PTBP3: variants seen among roughly 807,000 people sequenced by gnomAD.
PTBP3 encodes polypyrimidine tract binding protein 3.
In PTBP3, 20 loss-of-function variants were observed where a neutral mutation model predicts 58.7. That is an observed-to-expected ratio of 0.34 (90% confidence interval 0.24 to 0.50). PTBP3 has a LOEUF of 0.50. PTBP3 is among the 20% of genes least tolerant of loss of function. The pLI is 0.98. For synonymous variants in PTBP3, 185 were observed against 219.8 expected, an observed-to-expected ratio of 0.84 and a Z score of 1.40; for missense variants, 509 against 637.2, an observed-to-expected ratio of 0.80 and a Z score of 2.17.
rs1353298450 is a variant in PTBP3 at position 112,223,403 on chromosome 9, A to G, written c.*448T>C. 1 of 932,902 alleles carries G rather than the reference A, an allele frequency of 1.1e-6. No homozygotes were observed. Among genetic ancestry groups the G allele is most frequent in the East Asian group, 1.2e-4 (1 of 8,606 alleles). 57.8% of individuals were successfully genotyped at this position (932,902 alleles called of 1,614,324 possible). A position where few individuals can be genotyped will look rare whatever the true frequency, so the allele number is the denominator to read the frequency against. ...CCTACAAGGGTCAGACTTCTGATTC[A>G]TAAGGTTAATAACTTGGTCATAAGT... On this transcript the variant is annotated 3_prime_UTR_variant, in exon 14 of 14. Coordinates refer to ENST00000374257, the MANE Select transcript of PTBP3 (RefSeq NM_001163788.4).
chr9:112,316,837 T>A (rs568891182), intron 1 of PTBP3, among the ~76,000 whole-genome samples: 28 of 152,082 alleles, frequency 1.8e-4, no homozygotes, highest in South Asian at 4.1e-4. Flanking sequence ...CTGGGCATGG[T>A]GGTGTGCACC....
intron 1 of PTBP3, among the ~76,000 whole-genome samples, chr9:112,326,184 T>C (rs1830148796): frequency 6.6e-6 from 1 of 152,222 alleles, no homozygotes; most frequent in African/African-American, 2.4e-5. Context: ...TTTTACTGAA[T>C]TGTACCCTTA....
chr9:112,274,202 G>A (rs1030130267), intron 3 of PTBP3, among the ~76,000 whole-genome samples: 3 of 152,192 alleles, frequency 2.0e-5, no homozygotes, highest in South Asian at 2.1e-4. Flanking sequence ...GTAACCTCAT[G>A]TGAATTTAAG....
intron 2 of PTBP3, among the ~76,000 whole-genome samples, chr9:112,282,766 A>C (rs7031513): frequency 0.84 from 127,858 of 152,124 alleles, 54,026 homozygotes; most frequent in African/African-American, 0.92. Context: ...TAAAGGACTA[A>C]ACTTATTTTA....
At chr9:112,232,279 G>C in intron 8 of PTBP3, 41 bp from the exon 9 acceptor site, 1 of 1,505,776 alleles carries the variant, frequency 6.6e-7, no homozygotes, top group Non-Finnish European at 9.1e-7. Flanking sequence ...CTAATTATTT[G>C]AAGAACTGTA....
chr9:112,307,250 C>G (rs1318951763), intron 1 of PTBP3, among the ~76,000 whole-genome samples: 2 of 152,036 alleles, frequency 1.3e-5, no homozygotes, highest in Non-Finnish European at 2.9e-5. Flanking sequence ...CTCAGGAGTT[C>G]GAGACCAGCC....
At chr9:112,316,822 A>C (rs981284155) in intron 1 of PTBP3, among the ~76,000 whole-genome samples, 1 of 152,092 alleles carries the variant, frequency 6.6e-6, no homozygotes, top group Non-Finnish European at 1.5e-5. Context: ...AAATATAAAA[A>C]TTAGCTGGGC....
the PTBP3 span, among the ~76,000 whole-genome samples, chr9:112,377,788 T>G: frequency 6.6e-6 from 1 of 152,214 alleles, no homozygotes; most frequent in Non-Finnish European, 1.5e-5. Context: ...TTCACTTCTT[T>G]ACTGTGTTAT....
chr9:112,333,350 G>A, intron 1 of PTBP3, 120 bp downstream of exon 1: 1 of 1,203,926 alleles, frequency 8.3e-7, no homozygotes, highest in Non-Finnish European at 1.1e-6. Context: ...CTTGGCCGGG[G>A]CCGCTCCTCC....
intron 3 of PTBP3, among the ~76,000 whole-genome samples, chr9:112,270,578 A>G (rs151319834): frequency 1.1e-4 from 17 of 152,364 alleles, no homozygotes; most frequent in African/African-American, 4.1e-4. Flanking sequence ...TTAAAAAGGC[A>G]TCTGAAATTC....
At chr9:112,310,124 G>A (rs1829416261) in intron 1 of PTBP3, among the ~76,000 whole-genome samples, 1 of 152,144 alleles carries the variant, frequency 6.6e-6, no homozygotes, top group South Asian at 2.1e-4. Context: ...GTTCATTTGT[G>A]ACATTTTTAT....
At chr9:112,319,367 G>A (rs369558309) in intron 1 of PTBP3, among the ~76,000 whole-genome samples, 1 of 151,934 alleles carries the variant, frequency 6.6e-6, no homozygotes, top group Non-Finnish European at 1.5e-5. Flanking sequence ...GAGAAACTGC[G>A]ACTTTACAAA....
At chr9:112,351,951 C>CT in the PTBP3 span, among the ~76,000 whole-genome samples, 88 of 146,606 alleles carry the variant, frequency 6.0e-4, no homozygotes, top group East Asian at 1.6e-3. Flanking sequence ...ACTCTAGTTC[C>CT]TTTTTTTTTT....
intron 1 of PTBP3, among the ~76,000 whole-genome samples, chr9:112,309,238 T>C (rs949690373): frequency 1.3e-5 from 2 of 152,106 alleles, no homozygotes; most frequent in African/African-American, 4.8e-5. Context: ...AATACTGAAA[T>C]ATCCAAGTCC....
the PTBP3 span, among the ~76,000 whole-genome samples, chr9:112,367,185 AAATT>A: frequency 6.6e-6 from 1 of 152,208 alleles, no homozygotes; most frequent in Non-Finnish European, 1.5e-5. Flanking sequence ...ATCCATGACC[AAATT>A]ATTATAGCTA....
At chr9:112,333,639 G>C (rs893320528), upstream of PTBP3, 19 of 711,812 alleles carry the variant, frequency 2.7e-5, no homozygotes, top group Non-Finnish European at 3.9e-5. Context: ...GGCGGGGACC[G>C]GGCACGCTCC....
the PTBP3 span, among the ~76,000 whole-genome samples, chr9:112,343,482 C>T: frequency 1.3e-3 from 199 of 152,258 alleles, no homozygotes; most frequent in South Asian, 2.3e-3. Context: ...TTTTGTCAAG[C>T]AGTCAGTTTA....
chr9:112,233,893 TG>T (rs1370486246), intron 8 of PTBP3, among the ~76,000 whole-genome samples: 6 of 151,462 alleles, frequency 4.0e-5, no homozygotes, highest in Non-Finnish European at 1.5e-5. Context: ...ATTGCACCAC[TG>T]CATTCCAGCC....
rs373263582 is a variant in PTBP3 at position 112,266,519 on chromosome 9, CA to C, written c.351+1529del. 2.3e-3 allele frequency among the ~76,000 whole-genome samples: 343 copies of C among 152,202 alleles called. 2 individuals carry two copies. Among genetic ancestry groups the C allele is most frequent in the African/African-American group, 7.9e-3 (329 of 41,528 alleles). On this transcript the variant is annotated intron_variant, in intron 4 of 13. Coordinates refer to ENST00000374257, the MANE Select transcript of PTBP3 (RefSeq NM_001163788.4). ...ATACATTGGAATACACATTGTCTTC[CA>C]CGGCAATATACATTGTATTGGATTG...
Sources: allele counts gnomAD v4.1 joint callset (sites outside exome capture counted in the v4.1 genomes callset), GRCh38; gene constraint gnomAD v4.1.1; transcripts MANE v1.5; gene names NCBI Gene and HGNC (gene_info 2026-07-23, HGNC 2026-07-21).